PDZD7: variants seen among roughly 807,000 people sequenced by gnomAD.
PDZD7 encodes the protein PDZ domain-containing protein 7.
PDZD7 carries 72 observed loss-of-function variants against 84.7 expected under a neutral mutation model. The observed-to-expected ratio is 0.85, with a 90% CI of 0.70 to 1.03. PDZD7 has a LOEUF of 1.03. Among genes scored for constraint, PDZD7 ranks in the 50% least tolerant of loss-of-function variants. The pLI, the probability that PDZD7 is intolerant of heterozygous loss-of-function variation, is 0.00. For synonymous variants in PDZD7, 594 were observed against 580.7 expected, an observed-to-expected ratio of 1.02 and a Z score of -0.33; for missense variants, 1,490 against 1,412.9, an observed-to-expected ratio of 1.05 and a Z score of -0.87.
At chr10:101,025,674 A>T (rs934688460) in intron 2 of PDZD7, among the ~76,000 whole-genome samples, 1 of 151,510 alleles carries the variant, frequency 6.6e-6, no homozygotes, top group Non-Finnish European at 1.5e-5. Flanking sequence ...CAGCCTCCCG[A>T]GTAGCTGGGA....
chr10:101,024,584 A>G (rs1464455363), intron 2 of PDZD7, among the ~76,000 whole-genome samples: 1 of 151,956 alleles, frequency 6.6e-6, no homozygotes, highest in African/African-American at 2.4e-5. Context: ...AAGGTGTGAA[A>G]GAAGGTGAGA....
In PDZD7 at chr10:101,008,363, G is replaced by A. The variant is rs1251374085; in HGVS notation, c.*104C>T. On this transcript the variant is annotated 3_prime_UTR_variant, in exon 17 of 17. Coordinates refer to ENST00000619208, the MANE Select transcript of PDZD7 (RefSeq NM_001195263.2). ...GCCACCAGTGTGGCACTGGGAGGAG[G>A]CAGGGTGGGCAGGAGCTGGAGAGTC... is the stretch of plus-strand genomic sequence containing the variant. The A allele has an allele frequency of 2.6e-6, 3 of 1,164,378 alleles. No individual in the cohort carries two copies. The highest frequency in any genetic ancestry group is 3.5e-6 in the Non-Finnish European group (3 of 848,930). 72.1% of individuals were successfully genotyped at this position (1,164,378 alleles called of 1,614,324 possible). A position where few individuals can be genotyped will look rare whatever the true frequency, so the allele number is the denominator to read the frequency against.
chr10:101,016,273 C>A, intron 10 of PDZD7, 104 bp downstream of exon 10: 1 of 1,202,110 alleles, frequency 8.3e-7, no homozygotes, highest in African/African-American at 1.5e-5. Flanking sequence ...CCATGCTTGA[C>A]CCTGACTGAA....
chr10:101,021,699 TG>T, intron 6 of PDZD7, 98 bp downstream of exon 6: 1 of 1,552,688 alleles, frequency 6.4e-7, no homozygotes, highest in Non-Finnish European at 8.9e-7. Context: ...CTAGTGGCTG[TG>T]GGAACGTCAT....
intron 1 of PDZD7, chr10:101,030,680 TG>T: frequency 3.2e-6 from 1 of 309,852 alleles, no homozygotes; most frequent in Non-Finnish European, 6.4e-6. Context: ...CTGCGGGCCC[TG>T]GGGCTTAGAG....
In PDZD7 at chr10:101,018,911, A is replaced by G; in HGVS notation, c.1235T>C (p.Leu412Pro). The change falls in exon 8 of 17, where the codon CTC (leucine) becomes CCC (proline). Residue 412 changes from leucine to proline, a missense_variant. By Grantham distance (98) the Leu-to-Pro change is moderately conservative. Coordinates refer to ENST00000619208, the MANE Select transcript of PDZD7 (RefSeq NM_001195263.2). ...CAAAGCCGTCTTGGGAGACTCAGAG[A>G]GCGCAGAGTCAAGGCGGCGGCCGGG... ...PHPGRRLDSA[L>P]SESPKTALLL... is the part of the protein sequence containing the mutation. 6.2e-7 allele frequency: 1 copy of G among 1,605,046 alleles called. No individual in the cohort carries two copies. Among genetic ancestry groups the G allele is most frequent in the Non-Finnish European group, 8.5e-7 (1 of 1,176,446 alleles).
intron 2 of PDZD7, among the ~76,000 whole-genome samples, 166 bp from the exon 3 acceptor site, chr10:101,024,234 C>T (rs1937587713): frequency 6.6e-6 from 1 of 152,182 alleles, no homozygotes; most frequent in Non-Finnish European, 1.5e-5. Context: ...TAAGGCCCCT[C>T]TGGGTGATTT....
chr10:101,024,184 C>A (rs555912295), intron 2 of PDZD7, 116 bp from the exon 3 acceptor site: 2 of 1,433,376 alleles, frequency 1.4e-6, no homozygotes, highest in East Asian at 2.3e-5. Context: ...CACACAGGCA[C>A]GTAGGGGCCT....
chr10:101,022,173 GTTCTACCCGAAGACAC>G lies in PDZD7; in HGVS notation c.719+20_719+35del. ...GGCCCCACTCCAGACCCCATTCTCA[GTTCTACCCGAAGACAC>G]TTCCTGCCTCAGCCCTCACTTGGAC... On this transcript the variant is annotated intron_variant, in intron 5 of 16. Transcript: ENST00000619208. 1 of 1,613,008 alleles carries G rather than the reference GTTCTACCCGAAGACAC, an allele frequency of 6.2e-7. No homozygotes were observed. The highest frequency in any genetic ancestry group is 8.5e-7 in the Non-Finnish European group (1 of 1,179,110).
At chr10:101,011,406 A>C in intron 14 of PDZD7, 1 of 757,214 alleles carries the variant, frequency 1.3e-6, no homozygotes, top group Admixed American at 3.7e-5. Flanking sequence ...TCTAAGAAAA[A>C]ATACGACTAG....
chr10:101,018,214 G>C lies in PDZD7; in HGVS notation c.1407C>G (p.Asn469Lys). The change falls in exon 9 of 17, where the codon AAC becomes AAG. Residue 469 changes from asparagine to lysine, a missense_variant. Coordinates refer to ENST00000619208, the MANE Select transcript of PDZD7 (RefSeq NM_001195263.2). Reference sequence around the variant, plus strand: ...CCTGCCGCCCTCCCTTGAAGAAGAGGTTCATCAGCGTCTTGGAGCGCTGCA... The same window carrying C: ...CCTGCCGCCCTCCCTTGAAGAAGAGCTTCATCAGCGTCTTGGAGCGCTGCA... ...GALQRSKTLM[N>K]LFFKGGRQGR... is the part of the protein sequence containing the mutation. 6.2e-7 allele frequency: 1 copy of C among 1,614,196 alleles called. No homozygotes were observed. Among genetic ancestry groups the C allele is most frequent in the Non-Finnish European group, 8.5e-7 (1 of 1,180,040 alleles).
Position 101,021,879 on chromosome 10 carries a change from G to T in PDZD7, c.786C>A (p.Asn262Lys). Residue 262 changes from asparagine (N) to lysine (K), a missense_variant, in exon 6 of 17, where the codon AAC becomes AAA. Transcript: ENST00000619208. ...GGCTGATGTCGTCAAACCTGACACC[G>T]TTGGCTGCCAGGACCTGGTCCCCCA... ...IKVGDQVLAANGVRFDDISHS... is the reference protein window; with the variant it reads ...IKVGDQVLAAKGVRFDDISHS... The T allele has an allele frequency of 6.2e-7, 1 of 1,614,066 alleles. No individual in the cohort carries two copies. The highest frequency in any genetic ancestry group is 1.3e-5 in the African/African-American group (1 of 75,002).
At chr10:101,027,713 G>A (rs367824484) in intron 2 of PDZD7, among the ~76,000 whole-genome samples, 2 of 152,116 alleles carry the variant, frequency 1.3e-5, no homozygotes, top group South Asian at 2.1e-4. Context: ...CTTTGTCGTC[G>A]TTCGCTTATT....
Position 101,011,983 on chromosome 10 carries a change from G to A in PDZD7, c.1875C>T (p.Phe625=), listed in dbSNP as rs779555799. 3.7e-5 allele frequency: 58 copies of A among 1,550,390 alleles called. No individual in the cohort carries two copies. Among genetic ancestry groups the A allele is most frequent in the Non-Finnish European group, 5.0e-5 (57 of 1,147,002 alleles). ...GCTCCACAAGCATCACCATGCTGTCGAAGCGGCCCAGGTCTGTGGGGGCCA... is the reference window on the plus strand; with the variant it reads ...GCTCCACAAGCATCACCATGCTGTCAAAGCGGCCCAGGTCTGTGGGGGCCA... ...SVVAPTDLGR[F]DSMVMLVELE... Residue 625 remains phenylalanine (F), a synonymous_variant, in exon 13 of 17, where the codon TTC becomes TTT. Coordinates refer to ENST00000619208, the MANE Select transcript of PDZD7 (RefSeq NM_001195263.2).
At position 101,010,714 on chromosome 10, in the gene PDZD7, G is replaced by A. The variant is rs1355509312; in HGVS notation, c.2175C>T (p.Phe725=). 2 of 1,215,034 alleles carry A rather than the reference G, an allele frequency of 1.6e-6. No individual in the cohort carries two copies. Among genetic ancestry groups the A allele is most frequent in the East Asian group, 1.1e-4 (2 of 18,700 alleles). 75.3% of individuals were successfully genotyped at this position (1,215,034 alleles called of 1,614,324 possible). A position where few individuals can be genotyped will look rare whatever the true frequency, so the allele number is the denominator to read the frequency against. The change falls in exon 15 of 17, where the codon TTC becomes TTT. Residue 725 remains phenylalanine, a synonymous_variant. Coordinates refer to ENST00000619208, the MANE Select transcript of PDZD7 (RefSeq NM_001195263.2). ...PPLQDVPVDA[F]TPLRIACTPP... is the part of the protein sequence containing the mutation. ...GTGTGCAGGCAATTCGGAGGGGGGTGAAGGCATCTACTGGCACGTCTTGTA... is the reference window on the plus strand; with the variant it reads ...GTGTGCAGGCAATTCGGAGGGGGGTAAAGGCATCTACTGGCACGTCTTGTA...
chr10:101,023,170 G>T (rs1469156536), intron 4 of PDZD7: 1 of 514,684 alleles, frequency 1.9e-6, no homozygotes, highest in Non-Finnish European at 3.5e-6. Flanking sequence ...GTAGAGAGGT[G>T]GTGTTTTGCC....
chr10:101,024,380 A>T (rs1158157933), intron 2 of PDZD7, among the ~76,000 whole-genome samples: 1 of 152,150 alleles, frequency 6.6e-6, no homozygotes, highest in East Asian at 1.9e-4. Flanking sequence ...AGTAGCTAGG[A>T]CTACAGGCAC....
chr10:101,015,905 G>A (rs923225548), intron 10 of PDZD7, 94 bp from the exon 11 acceptor site: 74 of 1,357,144 alleles, frequency 5.5e-5, no homozygotes, highest in Non-Finnish European at 6.9e-5. Context: ...GGTACCTGGG[G>A]CAGAATCCTA....
intron 2 of PDZD7, among the ~76,000 whole-genome samples, chr10:101,027,709 C>T (rs1490076723): frequency 2.0e-5 from 3 of 152,244 alleles, no homozygotes; most frequent in East Asian, 3.9e-4. Flanking sequence ...CATCCTTTGT[C>T]GTCGTTCGCT....
Sources: allele counts gnomAD v4.1 joint callset (sites outside exome capture counted in the v4.1 genomes callset), GRCh38; gene constraint gnomAD v4.1.1; transcripts MANE v1.5; gene names NCBI Gene and HGNC (gene_info 2026-07-23, HGNC 2026-07-21).